FHIT: variants seen among roughly 807,000 people sequenced by gnomAD.
FHIT encodes the protein bis(5'-adenosyl)-triphosphatase.
A neutral mutation model predicts 17.9 loss-of-function variants in FHIT; 19 were observed. The ratio of observed to expected loss-of-function variants is 1.06; its 90% CI spans 0.74 to 1.56. The LOEUF is 1.56. Among genes scored for constraint, FHIT ranks in the 40% most tolerant of loss-of-function variants. The pLI, the probability that FHIT is intolerant of heterozygous loss-of-function variation, is 0.00. For synonymous variants in FHIT, 81 were observed against 69.7 expected, an observed-to-expected ratio of 1.16 and a Z score of -0.81; for missense variants, 248 against 189.2, an observed-to-expected ratio of 1.31 and a Z score of -1.82.
At chr3:60,665,555 C>T (rs1281495093) in intron 4 of FHIT, among the ~76,000 whole-genome samples, 1 of 151,788 alleles carries the variant, frequency 6.6e-6, no homozygotes, top group Non-Finnish European at 1.5e-5. Flanking sequence ...TTTCTTTGTT[C>T]CAAAGTCCAC....
At chr3:60,276,680 T>G (rs1707152931) in intron 5 of FHIT, among the ~76,000 whole-genome samples, 1 of 152,200 alleles carries the variant, frequency 6.6e-6, no homozygotes, top group African/African-American at 2.4e-5. Context: ...GAGGTTTATT[T>G]GGCTATGGAT....
intron 4 of FHIT, among the ~76,000 whole-genome samples, chr3:60,579,677 T>A (rs1346632324): frequency 6.6e-5 from 10 of 152,162 alleles, no homozygotes; most frequent in African/African-American, 2.4e-4. Context: ...TTAGCTAAAC[T>A]ATTACTACAG....
At chr3:60,656,694 T>G (rs910694259) in intron 4 of FHIT, among the ~76,000 whole-genome samples, 15 of 152,304 alleles carry the variant, frequency 9.8e-5, no homozygotes, top group Middle Eastern at 3.4e-3. Context: ...TGCTTGTAGA[T>G]CCCTTTGATG....
chr3:59,927,750 C>A lies in FHIT; in HGVS notation c.280-5336G>T, dbSNP rs566392640. ...TGCCACTGCACTCCAGCCTGGGTGA[C>A]AGAGCAAGACTCTGTCTCAAAACAA... On this transcript the variant is annotated intron_variant, in intron 7 of 9. Coordinates refer to ENST00000492590, the MANE Select transcript of FHIT (RefSeq NM_002012.4). 2.2e-4 allele frequency among the ~76,000 whole-genome samples: 33 copies of A among 151,924 alleles called. No homozygotes were observed. In the South Asian group the frequency reaches 6.5e-3, roughly 30 times the overall value.
At chr3:60,383,608 T>G (rs1332140830) in intron 5 of FHIT, among the ~76,000 whole-genome samples, 3 of 151,816 alleles carry the variant, frequency 2.0e-5, no homozygotes, top group Non-Finnish European at 4.4e-5. Context: ...CTACATATGA[T>G]CACTATCATT....
chr3:60,789,164 A>G (rs1210468600), intron 4 of FHIT, among the ~76,000 whole-genome samples: 1 of 117,978 alleles, frequency 8.5e-6, no homozygotes. Context: ...GTGTATATAT[A>G]TATATATATA....
At chr3:60,666,985 G>T (rs1553692599) in intron 4 of FHIT, among the ~76,000 whole-genome samples, 1 of 143,460 alleles carries the variant, frequency 7.0e-6, no homozygotes, top group Non-Finnish European at 1.5e-5. Context: ...CTCCTGAGTA[G>T]CTGGGACTAC....
At chr3:60,155,387 C>A (rs997803069) in intron 5 of FHIT, among the ~76,000 whole-genome samples, 1 of 152,068 alleles carries the variant, frequency 6.6e-6, no homozygotes, top group African/African-American at 2.4e-5. Context: ...ACTATTCCCA[C>A]CCCTCATTTT....
At chr3:60,251,675 C>T (rs1705719035) in intron 5 of FHIT, among the ~76,000 whole-genome samples, 1 of 152,180 alleles carries the variant, frequency 6.6e-6, no homozygotes, top group Non-Finnish European at 1.5e-5. Context: ...CCAGTACAGG[C>T]ACTTCTAGTT....
At chr3:59,945,095 C>A (rs2107282709) in intron 7 of FHIT, among the ~76,000 whole-genome samples, 1 of 152,260 alleles carries the variant, frequency 6.6e-6, no homozygotes, top group African/African-American at 2.4e-5. Flanking sequence ...TGAGAAATTG[C>A]CAAACAACCT....
At chr3:60,023,403 T>C (rs1447927710) in intron 5 of FHIT, among the ~76,000 whole-genome samples, 1 of 152,206 alleles carries the variant, frequency 6.6e-6, no homozygotes, top group Non-Finnish European at 1.5e-5. Context: ...CATACCTCCA[T>C]AGGGTGGCTA....
chr3:60,831,916 T>C (rs558226736), intron 3 of FHIT, among the ~76,000 whole-genome samples: 127 of 152,212 alleles, frequency 8.3e-4, no homozygotes, highest in African/African-American at 3.0e-3. Flanking sequence ...GAGACATGAT[T>C]GTATAATGGA....
intron 3 of FHIT, among the ~76,000 whole-genome samples, chr3:60,905,749 G>T (rs1267804755): frequency 2.6e-5 from 4 of 152,132 alleles, no homozygotes; most frequent in Non-Finnish European, 4.4e-5. Context: ...GCTAACTTCT[G>T]TATAAAAAGG....
chr3:59,913,768 T>C (rs1359832982), intron 8 of FHIT, among the ~76,000 whole-genome samples: 1 of 152,158 alleles, frequency 6.6e-6, no homozygotes, highest in Non-Finnish European at 1.5e-5. Flanking sequence ...CCATTTTAAA[T>C]ATGGGAAACA....
At chr3:60,924,247 GA>G (rs1425005253) in intron 3 of FHIT, among the ~76,000 whole-genome samples, 14 of 152,292 alleles carry the variant, frequency 9.2e-5, no homozygotes, top group Middle Eastern at 3.4e-3. Context: ...TCTAAGAACG[GA>G]CAAAATGCCT....
chr3:60,366,278 C>T (rs1052065325), intron 5 of FHIT, among the ~76,000 whole-genome samples: 7 of 152,112 alleles, frequency 4.6e-5, no homozygotes, highest in Non-Finnish European at 1.0e-4. Context: ...TGGGTTCAAG[C>T]GATTCTCCTG....
At chr3:60,294,376 C>T (rs1041334433) in intron 5 of FHIT, among the ~76,000 whole-genome samples, 3 of 152,084 alleles carry the variant, frequency 2.0e-5, no homozygotes, top group Admixed American at 1.3e-4. Context: ...CATTTGAAAG[C>T]CCTCCAGAGG....
chr3:60,559,634 A>G, intron 4 of FHIT, among the ~76,000 whole-genome samples: 1 of 152,188 alleles, frequency 6.6e-6, no homozygotes, highest in East Asian at 1.9e-4. Context: ...GTCTCTCACT[A>G]ACCAAGCGCT....
intron 5 of FHIT, among the ~76,000 whole-genome samples, chr3:60,103,820 T>G (rs1576106690): frequency 1.3e-5 from 2 of 152,336 alleles, no homozygotes; most frequent in Non-Finnish European, 2.9e-5. Context: ...TTCAGGAATA[T>G]GTTTTCCTTT....
Sources: allele counts gnomAD v4.1 joint callset (sites outside exome capture counted in the v4.1 genomes callset), GRCh38; gene constraint gnomAD v4.1.1; transcripts MANE v1.5; gene names NCBI Gene and HGNC (gene_info 2026-07-23, HGNC 2026-07-21).